Variants in AP2B1 observed in about 807,000 individuals in gnomAD.
AP2B1 encodes the protein adaptor related protein complex 2 subunit beta 1.
In AP2B1, 23 loss-of-function variants were observed where a neutral mutation model predicts 102.0. The observed-to-expected ratio is 0.23, with a 90% CI of 0.16 to 0.32. The LOEUF (loss-of-function observed/expected upper bound fraction) is 0.32, where lower values mean the gene tolerates loss of function less well. AP2B1 is among the 10% of genes least tolerant of loss of function. The probability of loss-of-function intolerance (pLI) is 1.00; values close to 1 mark genes in which losing one functional copy is unlikely to be tolerated. For synonymous variants in AP2B1, 381 were observed against 421.2 expected (o/e 0.90, Z 1.17); for missense variants, 541 against 1,157.4 (o/e 0.47, Z 7.73).
At chr17:35,598,740 C>G (rs1252130512) in intron 3 of AP2B1, among the ~76,000 whole-genome samples, 1 of 152,190 alleles carries the variant, frequency 6.6e-6, no homozygotes, top group Non-Finnish European at 1.5e-5. Context: ...CATTCAATTG[C>G]TGGATTCAAG....
chr17:35,605,951 T>C, intron 4 of AP2B1, 111 bp downstream of exon 4: 1 of 1,486,462 alleles, frequency 6.7e-7, no homozygotes, highest in Non-Finnish European at 8.9e-7. Flanking sequence ...TGTTCATGTT[T>C]TAAGCATTCT....
rs868827206 is a variant in AP2B1, at chr17:35,614,391, T to C, written c.525+6004T>C. 4.9e-4 allele frequency among the ~76,000 whole-genome samples: 75 copies of C among 152,188 alleles called. No individual in the cohort carries two copies. The Middle Eastern group carries it at 0.014, about 28-fold the overall frequency. On this transcript the variant is annotated intron_variant, in intron 5 of 21. Coordinates refer to ENST00000610402, the MANE Select transcript of AP2B1 (RefSeq NM_001030006.2). ...TTTTTTGTAGAGATGGATCTTGTTT[T>C]GTTGCCCAGGTTGGTCTCAATCTCC... is the stretch of plus-strand genomic sequence containing the variant.
rs140465013 is a variant in AP2B1, at chr17:35,670,029, C to T, written c.1990-828C>T. Among the ~76,000 whole-genome samples the T allele has an allele frequency of 5.3e-5, 8 of 152,194 alleles. No homozygotes were observed. In the East Asian group the frequency reaches 1.3e-3, roughly 26 times the overall value. On this transcript the variant is annotated intron_variant, in intron 14 of 21. Coordinates refer to ENST00000610402, the MANE Select transcript of AP2B1 (RefSeq NM_001030006.2). ...CTTTAATGTTTTTGTCAAGGAAGAC[C>T]GACTTCAGAGTGAATTATATCTATC...
chr17:35,591,447 A>G (rs1356632755), intron 1 of AP2B1, among the ~76,000 whole-genome samples: 1 of 152,206 alleles, frequency 6.6e-6, no homozygotes, highest in Non-Finnish European at 1.5e-5. Context: ...TGTTGGGATT[A>G]CAGGCGTGAG....
chr17:35,720,559 ATATATATATATATATTTTTT>A (rs1568063225), intron 21 of AP2B1, among the ~76,000 whole-genome samples: 1 of 48,510 alleles, frequency 2.1e-5, no homozygotes, highest in African/African-American at 7.8e-5. Context: ...ATATATATAT[ATATATATATATATATTTTTT>A]TTTTTTTTTT....
At chr17:35,591,690 T>C (rs143749537) in intron 1 of AP2B1, among the ~76,000 whole-genome samples, 4 of 152,364 alleles carry the variant, frequency 2.6e-5, no homozygotes, top group Non-Finnish European at 4.4e-5. Context: ...TATATATACA[T>C]TCATAAATAA....
intron 18 of AP2B1, among the ~76,000 whole-genome samples, chr17:35,686,791 C>G (rs587750213): frequency 1.3e-5 from 2 of 152,026 alleles, no homozygotes; most frequent in African/African-American, 4.8e-5. Context: ...GGTGAAACCC[C>G]GTCTCTACTA....
intron 18 of AP2B1, among the ~76,000 whole-genome samples, chr17:35,708,451 A>G (rs76689827): frequency 1.3e-5 from 2 of 151,976 alleles, no homozygotes; most frequent in African/African-American, 4.8e-5. Flanking sequence ...AAAAAAAAAA[A>G]CAAACAAACA....
At chr17:35,700,108 A>C (rs777905323) in intron 18 of AP2B1, among the ~76,000 whole-genome samples, 8 of 152,110 alleles carry the variant, frequency 5.3e-5, no homozygotes, top group Non-Finnish European at 1.0e-4. Flanking sequence ...AAAAGAAATT[A>C]AAATAAATAA....
intron 18 of AP2B1, among the ~76,000 whole-genome samples, chr17:35,684,137 AC>A (rs1259595728): frequency 6.6e-6 from 1 of 152,068 alleles, no homozygotes; most frequent in Non-Finnish European, 1.5e-5. Context: ...GGCCTTCAAG[AC>A]CCCCAGCTGA....
chr17:35,706,366 A>G (rs961535919), intron 18 of AP2B1, among the ~76,000 whole-genome samples: 3 of 152,246 alleles, frequency 2.0e-5, no homozygotes, highest in African/African-American at 7.2e-5. Context: ...ACAATGTTCT[A>G]AATTAATTGC....
chr17:35,669,500 G>A (rs1171935450), intron 14 of AP2B1, among the ~76,000 whole-genome samples: 1 of 152,126 alleles, frequency 6.6e-6, no homozygotes, highest in Non-Finnish European at 1.5e-5. Context: ...CAACCATTAA[G>A]TAGTCTTCAG....
At chr17:35,670,798 C>T in intron 14 of AP2B1, 59 bp from the exon 15 acceptor site, 1 of 1,531,102 alleles carries the variant, frequency 6.5e-7, no homozygotes, top group African/African-American at 1.4e-5. Context: ...ATATGGGCAT[C>T]TAGTATTTAG....
chr17:35,697,818 C>T (rs587648788), intron 18 of AP2B1, among the ~76,000 whole-genome samples: 4 of 151,942 alleles, frequency 2.6e-5, no homozygotes, highest in African/African-American at 9.7e-5. Context: ...AAAAATTAGC[C>T]GGGTGTAGTG....
chr17:35,690,826 C>T (rs1399704707), intron 18 of AP2B1, among the ~76,000 whole-genome samples: 2 of 152,028 alleles, frequency 1.3e-5, no homozygotes, highest in Non-Finnish European at 2.9e-5. Flanking sequence ...GAACTTTTTC[C>T]AGGAGAAAGG....
At chr17:35,632,415 G>T (rs34528380) in intron 9 of AP2B1, among the ~76,000 whole-genome samples, 9 of 152,154 alleles carry the variant, frequency 5.9e-5, no homozygotes, top group South Asian at 2.1e-4. Flanking sequence ...GATTACAGGT[G>T]TAAGCCACTG....
chr17:35,667,204 C>T (rs1337700886), intron 14 of AP2B1, among the ~76,000 whole-genome samples: 1 of 152,198 alleles, frequency 6.6e-6, no homozygotes, highest in Non-Finnish European at 1.5e-5. Context: ...GTCACCTTGC[C>T]ATGGTTTCAG....
chr17:35,654,715 C>T (rs1332040840), intron 13 of AP2B1, among the ~76,000 whole-genome samples: 2 of 151,996 alleles, frequency 1.3e-5, no homozygotes, highest in East Asian at 1.9e-4. Flanking sequence ...TCTCTAGTCT[C>T]GTTTAGAGTT....
chr17:35,670,826 C>T, intron 14 of AP2B1, 31 bp from the exon 15 acceptor site: 1 of 1,611,686 alleles, frequency 6.2e-7, no homozygotes, highest in Non-Finnish European at 8.5e-7. Context: ...AACTCTACCT[C>T]TCTCTCCTCT....
Sources: gnomAD v4.1 joint callset for allele counts (sites outside exome capture counted in the v4.1 genomes callset) on GRCh38, gnomAD v4.1.1 for gene constraint, MANE v1.5 for transcripts, NCBI Gene and HGNC (gene_info 2026-07-23, HGNC 2026-07-21) for gene names.